Variants in XKR6 observed in about 807,000 individuals in gnomAD.
The protein encoded by XKR6 is XK-related protein 6.
In XKR6, 22 loss-of-function variants were observed where a neutral mutation model predicts 56.7. The ratio of observed to expected loss-of-function variants is 0.39; its 90% confidence interval spans 0.28 to 0.55. XKR6 has a LOEUF of 0.55. Among genes scored for constraint, XKR6 ranks in the 20% least tolerant of loss-of-function variants. The pLI is 0.66. For synonymous variants in XKR6, 524 were observed against 387.8 expected (o/e 1.35, Z -4.13); for missense variants, 852 against 889.0 (o/e 0.96, Z 0.53).
chr8:10,995,913 C>A (rs563145512), intron 1 of XKR6, among the ~76,000 whole-genome samples: 64 of 152,268 alleles, frequency 4.2e-4, no homozygotes, highest in African/African-American at 1.4e-3. Flanking sequence ...TTGAATCAGA[C>A]GAATGGCTTG....
At chr8:11,188,805 G>A (rs1213447846) in intron 1 of XKR6, among the ~76,000 whole-genome samples, 2 of 152,100 alleles carry the variant, frequency 1.3e-5, no homozygotes, top group African/African-American at 4.8e-5. Flanking sequence ...ACAGACCCCA[G>A]GCCCCACCTC....
chr8:10,972,031 A>C (rs6983869), intron 1 of XKR6, among the ~76,000 whole-genome samples: 1 of 152,034 alleles, frequency 6.6e-6, no homozygotes, highest in African/African-American at 2.4e-5. Flanking sequence ...CAGAAGTGAC[A>C]TTCAGTTGAA....
chr8:10,935,255 T>C (rs1290091128), intron 1 of XKR6, among the ~76,000 whole-genome samples: 1 of 125,862 alleles, frequency 7.9e-6, no homozygotes, highest in African/African-American at 3.4e-5. Flanking sequence ...ATCCCCTTTA[T>C]CATTTTTTAT....
chr8:11,039,564 G>A (rs893497215), intron 1 of XKR6, among the ~76,000 whole-genome samples: 19 of 152,198 alleles, frequency 1.2e-4, no homozygotes, highest in African/African-American at 4.3e-4. Flanking sequence ...AAAGAACTTG[G>A]AACAGAGACA....
rs111354099 is a variant in XKR6 at position 11,132,639 on chromosome 8, C to T, written c.764+67937G>A. On this transcript the variant is annotated intron_variant, in intron 1 of 2. Transcript: ENST00000416569. Reference sequence around the variant, plus strand: ...GATCTCCCAAAGTGCTGGGATGACACGTACGAGCCACCGCGTCTGGTCAAC... The same window carrying T: ...GATCTCCCAAAGTGCTGGGATGACATGTACGAGCCACCGCGTCTGGTCAAC... Among the ~76,000 whole-genome samples the T allele has an allele frequency of 6.4e-3, 969 of 152,000 alleles. 17 individuals are homozygous for T. Among genetic ancestry groups the T allele is most frequent in the African/African-American group, 0.022 (908 of 41,396 alleles).
intron 1 of XKR6, among the ~76,000 whole-genome samples, chr8:11,119,787 A>G (rs1352627856): frequency 1.3e-5 from 2 of 152,224 alleles, no homozygotes; most frequent in Non-Finnish European, 2.9e-5. Flanking sequence ...AAAATCCTCA[A>G]TAAAATACTG....
chr8:11,095,712 T>C (rs1798245829), intron 1 of XKR6, among the ~76,000 whole-genome samples: 2 of 152,248 alleles, frequency 1.3e-5, no homozygotes, highest in Non-Finnish European at 2.9e-5. Context: ...TGTGGGCTTA[T>C]GGAAGGTCTT....
chr8:10,951,299 G>GTGTGTGTGTGTGTGTGTGTGTGT (rs762396240), intron 1 of XKR6, among the ~76,000 whole-genome samples: 3 of 117,586 alleles, frequency 2.6e-5, no homozygotes, highest in South Asian at 5.1e-4. Context: ...GTGTGTGTGT[G>GTGTGTGTGTGTGTGTGTGTGTGT]GGGGGGGGGG....
intron 1 of XKR6, among the ~76,000 whole-genome samples, chr8:11,025,059 G>C (rs1315576286): frequency 6.6e-6 from 1 of 152,172 alleles, no homozygotes. Flanking sequence ...TGGGAACAAG[G>C]GATCCCCCCA....
chr8:11,112,873 A>T (rs1004210941), intron 1 of XKR6, among the ~76,000 whole-genome samples: 7 of 152,258 alleles, frequency 4.6e-5, no homozygotes, highest in Non-Finnish European at 1.0e-4. Flanking sequence ...AAGAAAAAGA[A>T]CACATTTTAT....
chr8:10,906,423 G>T (rs1179110780), intron 2 of XKR6, among the ~76,000 whole-genome samples: 1 of 152,202 alleles, frequency 6.6e-6, no homozygotes, highest in Non-Finnish European at 1.5e-5. Flanking sequence ...CACATGCAGG[G>T]CACTACCTGG....
At chr8:11,117,250 TAGA>T (rs1346095494) in intron 1 of XKR6, among the ~76,000 whole-genome samples, 1 of 152,188 alleles carries the variant, frequency 6.6e-6, no homozygotes, top group South Asian at 2.1e-4. Flanking sequence ...AGTCCCCTCT[TAGA>T]AGTTTTCTTT....
chr8:11,020,936 G>T (rs117730527), intron 1 of XKR6, among the ~76,000 whole-genome samples: 1 of 152,162 alleles, frequency 6.6e-6, no homozygotes. Context: ...TAGCATAGTG[G>T]CTGGCACAGA....
intron 1 of XKR6, among the ~76,000 whole-genome samples, chr8:11,041,148 C>T: frequency 6.6e-6 from 1 of 152,030 alleles, no homozygotes; most frequent in Non-Finnish European, 1.5e-5. Context: ...CTCAGTGTAC[C>T]GTACATCCCT....
intron 1 of XKR6, among the ~76,000 whole-genome samples, chr8:11,064,796 T>C (rs1180234418): frequency 1.3e-5 from 2 of 152,362 alleles, no homozygotes; most frequent in East Asian, 3.9e-4. Context: ...GCAAGGTCCA[T>C]GAATCTATGT....
chr8:11,107,360 C>T (rs972536960), intron 1 of XKR6, among the ~76,000 whole-genome samples: 9 of 152,044 alleles, frequency 5.9e-5, no homozygotes, highest in African/African-American at 2.2e-4. Context: ...CCACCATGCC[C>T]AGCTGATTTT....
intron 1 of XKR6, among the ~76,000 whole-genome samples, chr8:11,127,393 A>C (rs889567062): frequency 6.6e-6 from 1 of 152,242 alleles, no homozygotes; most frequent in African/African-American, 2.4e-5. Context: ...ACTATAGCAG[A>C]TGTAACAAAT....
At chr8:11,047,555 G>C (rs74889249) in intron 1 of XKR6, among the ~76,000 whole-genome samples, 1 of 152,056 alleles carries the variant, frequency 6.6e-6, no homozygotes, top group Admixed American at 6.5e-5. Context: ...CCACATCTGT[G>C]AGGTCCCTAG....
At position 10,896,215 on chromosome 8, in the gene XKR6, G is replaced by C. The variant is rs1799875960; in HGVS notation, c.*1737C>G. ...CCTAGAACAGAAATATTCTTTAAAG[G>C]AACAATACTTTGAAAAATAAAAAAA... is the stretch of plus-strand genomic sequence containing the variant. On this transcript the variant is annotated 3_prime_UTR_variant, in exon 3 of 3. Transcript: ENST00000416569. 6.6e-6 allele frequency: 1 copy of C among 150,914 alleles called. No homozygotes were observed. The highest frequency in any genetic ancestry group is 1.5e-5 in the Non-Finnish European group (1 of 67,710). 9.3% of individuals were successfully genotyped at this position (150,914 alleles called of 1,614,324 possible).
Sources: gnomAD v4.1 joint callset for allele counts (sites outside exome capture counted in the v4.1 genomes callset) on GRCh38, gnomAD v4.1.1 for gene constraint, MANE v1.5 for transcripts, NCBI Gene and HGNC (gene_info 2026-07-23, HGNC 2026-07-21) for gene names.